TTC39C: variants seen among roughly 807,000 people sequenced by gnomAD.
The protein encoded by TTC39C is tetratricopeptide repeat domain 39C, also known as tetratricopeptide repeat protein 39C.
A neutral mutation model predicts 76.3 loss-of-function variants in TTC39C; 33 were observed. The ratio of observed to expected loss-of-function variants is 0.43; its 90% CI spans 0.33 to 0.58. The LOEUF is 0.58. Ranked by LOEUF, TTC39C falls within the 20% of genes least tolerant of loss-of-function variation. TTC39C has a pLI of 0.04. For synonymous variants in TTC39C, 254 were observed against 260.6 expected (o/e 0.97, Z 0.24); for missense variants, 595 against 701.4 (o/e 0.85, Z 1.71).
At position 24,024,156 on chromosome 18, in the gene TTC39C, G is replaced by A. The variant is rs371625238; in HGVS notation, c.167+9118G>A. Reference sequence around the variant, plus strand: ...GCCTCCCGAGTAGCTGGGACTACAGGTGTGTACCACCACGCCAGGCTAATT... The same window carrying A: ...GCCTCCCGAGTAGCTGGGACTACAGATGTGTACCACCACGCCAGGCTAATT... On this transcript the variant is annotated intron_variant, in intron 1 of 13. Transcript: ENST00000317571. Among the ~76,000 whole-genome samples the A allele has an allele frequency of 6.6e-4, 98 of 149,482 alleles. 2 individuals carry two copies. The South Asian group carries it at 0.021, about 31-fold the overall frequency.
At chr18:24,060,183 C>G (rs1032408799) in intron 1 of TTC39C, among the ~76,000 whole-genome samples, 1 of 152,180 alleles carries the variant, frequency 6.6e-6, no homozygotes, top group African/African-American at 2.4e-5. Flanking sequence ...ATTCATACTC[C>G]CACCAACAGT....
intron 1 of TTC39C, among the ~76,000 whole-genome samples, chr18:24,045,916 TATATA>T (rs2083871034): frequency 1.1e-3 from 44 of 39,288 alleles, no homozygotes; most frequent in African/African-American, 4.9e-3. Flanking sequence ...TATATATATA[TATATA>T]TATATATTTT....
chr18:24,119,892 ATTT>A (rs1366920298), intron 8 of TTC39C, among the ~76,000 whole-genome samples: 3 of 151,962 alleles, frequency 2.0e-5, no homozygotes, highest in Non-Finnish European at 4.4e-5. Context: ...GTGGACAGCT[ATTT>A]ATTTTTTCAT....
chr18:24,123,921 T>C lies in TTC39C; in HGVS notation c.1274T>C (p.Ile425Thr), dbSNP rs1336857227. Residue 425 changes from isoleucine to threonine, a missense_variant, in exon 9 of 14, where the codon ATT (isoleucine) becomes ACT (threonine). Transcript: ENST00000317571. ...QKLFKRKNNQ[I>T]EQFSVKKAER... ...CTCTTCAAAAGGAAAAACAATCAGA[T>C]TGAACAGTTCTCGGTGAAAAAGGTA... 6.2e-7 allele frequency: 1 copy of C among 1,612,988 alleles called. No homozygotes were observed. Among genetic ancestry groups the C allele is most frequent in the African/African-American group, 1.3e-5 (1 of 74,796 alleles).
At chr18:24,066,702 A>G (rs980595468) in intron 3 of TTC39C, among the ~76,000 whole-genome samples, 1 of 152,180 alleles carries the variant, frequency 6.6e-6, no homozygotes, top group African/African-American at 2.4e-5. Context: ...TGTTGGATAT[A>G]GTCATCAGAA....
chr18:24,019,991 C>G, intron 1 of TTC39C: 1 of 1,452,560 alleles, frequency 6.9e-7, no homozygotes, highest in South Asian at 1.4e-5. Context: ...CTTGGGAGGA[C>G]TGGAAGGACT....
chr18:24,013,253 T>C (rs552168212), upstream of TTC39C, among the ~76,000 whole-genome samples: 44 of 152,348 alleles, frequency 2.9e-4, no homozygotes, highest in Non-Finnish European at 3.1e-4. Context: ...TTCTTGCTTC[T>C]GTCAGTGTTC....
chr18:24,123,709 T>C (rs2085008158), intron 8 of TTC39C, 125 bp from the exon 9 acceptor site: 1 of 645,978 alleles, frequency 1.5e-6, no homozygotes, highest in Non-Finnish European at 2.6e-6. Flanking sequence ...GTCCAGCCCA[T>C]TGTGGAATAG....
chr18:24,101,625 G>C (rs564926882), intron 6 of TTC39C, among the ~76,000 whole-genome samples: 1 of 151,948 alleles, frequency 6.6e-6, no homozygotes, highest in Non-Finnish European at 1.5e-5. Context: ...TGTCATTCAG[G>C]TCTAGCAAAC....
rs2145836784 is a variant in TTC39C, at chr18:24,133,509, T to C, written c.*935T>C. 1 of 152,316 alleles carries C rather than the reference T, an allele frequency of 6.6e-6. No homozygotes were observed. The highest frequency in any genetic ancestry group is 2.1e-4 in the South Asian group (1 of 4,826). The allele number at this position is 152,316 out of a possible 1,614,324, so 9.4% of individuals were successfully genotyped here. On this transcript the variant is annotated 3_prime_UTR_variant, in exon 14 of 14. Coordinates refer to ENST00000317571, the MANE Select transcript of TTC39C (RefSeq NM_001135993.2). ...TGTGAAAATTGTCAAATTACCAACT[T>C]TTGGAAATCTTTTGACACATTACTT...
intron 6 of TTC39C, among the ~76,000 whole-genome samples, chr18:24,097,584 T>A (rs1003070751): frequency 6.6e-6 from 1 of 152,236 alleles, no homozygotes; most frequent in Admixed American, 6.5e-5. Context: ...CTATTATTTA[T>A]AGTCCTCTTC....
intron 1 of TTC39C, among the ~76,000 whole-genome samples, chr18:24,017,600 G>A (rs889651001): frequency 3.3e-5 from 5 of 152,146 alleles, no homozygotes; most frequent in Admixed American, 6.5e-5. Context: ...TTCATCTTAC[G>A]TATTACGTAT....
upstream of TTC39C, among the ~76,000 whole-genome samples, chr18:24,011,964 T>C (rs1393895929): frequency 1.3e-5 from 2 of 152,228 alleles, no homozygotes; most frequent in African/African-American, 2.4e-5. Context: ...GTTAGGAATC[T>C]AGATTTTCCT....
At chr18:24,079,723 AAT>A (rs1177129374) in intron 4 of TTC39C, among the ~76,000 whole-genome samples, 1 of 151,864 alleles carries the variant, frequency 6.6e-6, no homozygotes, top group Non-Finnish European at 1.5e-5. Context: ...TTACCCAGTA[AAT>A]ATTAGTCTTT....
At chr18:24,045,924 T>TAC (rs2083873350) in intron 1 of TTC39C, among the ~76,000 whole-genome samples, 1 of 25,120 alleles carries the variant, frequency 4.0e-5, no homozygotes, top group African/African-American at 1.7e-4. Flanking sequence ...TATATATATA[T>TAC]ATATTTTTTT....
In TTC39C at chr18:24,130,432, A is replaced by C. The variant is rs758741890; in HGVS notation, c.1623+15A>C. The C allele has an allele frequency of 2.1e-6, 2 of 965,114 alleles. No homozygotes were observed. Among genetic ancestry groups the C allele is most frequent in the African/African-American group, 3.5e-5 (2 of 57,808 alleles). 59.8% of individuals were successfully genotyped at this position (965,114 alleles called of 1,614,324 possible). A position where few individuals can be genotyped will look rare whatever the true frequency, so the allele number is the denominator to read the frequency against. ...ACAAACCAGAGGTAAGATCTTATAT[A>C]TATAATATAATATATATTTTTAATG... On this transcript the variant is annotated intron_variant, in intron 12 of 13. Transcript: ENST00000317571.
At chr18:24,012,089 TC>T (rs1258542807), upstream of TTC39C, among the ~76,000 whole-genome samples, 1 of 152,192 alleles carries the variant, frequency 6.6e-6, no homozygotes, top group African/African-American at 2.4e-5. Context: ...GCAATGTGAA[TC>T]CGGGGCAGGT....
intron 1 of TTC39C, among the ~76,000 whole-genome samples, chr18:24,057,393 A>C (rs1255894683): frequency 8.5e-5 from 13 of 152,326 alleles, no homozygotes; most frequent in African/African-American, 3.1e-4. Flanking sequence ...TCACAGTGTA[A>C]ACATCAATGT....
chr18:24,010,158 CG>C (rs1599229678), upstream of TTC39C, among the ~76,000 whole-genome samples: 1 of 152,312 alleles, frequency 6.6e-6, no homozygotes, highest in South Asian at 2.1e-4. Context: ...GAGCAACTGG[CG>C]CTGTCATGCG....
Sources: gnomAD v4.1 joint callset for allele counts (sites outside exome capture counted in the v4.1 genomes callset) on GRCh38, gnomAD v4.1.1 for gene constraint, MANE v1.5 for transcripts, NCBI Gene and HGNC (gene_info 2026-07-23, HGNC 2026-07-21) for gene names.